The following FBH1 variants were observed in gnomAD, a reference collection of about 807,000 sequenced individuals.
FBH1 encodes F-box DNA helicase 1.
FBH1 carries 43 observed loss-of-function variants against 115.5 expected under a neutral mutation model. That is an observed-to-expected ratio of 0.37 (90% confidence interval 0.29 to 0.48). The LOEUF (loss-of-function observed/expected upper bound fraction) is 0.48, where lower values mean the gene tolerates loss of function less well. Among genes scored for constraint, FBH1 ranks in the 20% least tolerant of loss-of-function variants. The pLI, the probability that FBH1 is intolerant of heterozygous loss-of-function variation, is 0.99. For missense variants in FBH1, 1,001 were observed against 1,337.3 expected (o/e 0.75, Z 3.92); for synonymous variants, 524 against 507.8 (o/e 1.03, Z -0.43).
intron 3 of FBH1, among the ~76,000 whole-genome samples, chr10:5,907,797 T>C (rs1843806170): frequency 6.6e-6 from 1 of 152,224 alleles, no homozygotes; most frequent in Non-Finnish European, 1.5e-5. Context: ...TTAATATCCA[T>C]ATATTTGTGG....
At position 5,915,632 on chromosome 10, in the gene FBH1, C is replaced by T; in HGVS notation, c.1565+61C>T. On this transcript the variant is annotated intron_variant, in intron 9 of 20. Coordinates refer to ENST00000362091, the MANE Select transcript of FBH1 (RefSeq NM_178150.3). This position sits in a 1 kb window ranked among gnomAD's most constrained non-coding sequence, Gnocchi z 5.2. ...TGGCACGGTCGCGTCTTACTGTTTT[C>T]CCGTGACGATCACATGTGAGCTTAC... The T allele has an allele frequency of 6.6e-7, 1 of 1,515,254 alleles. No individual in the cohort carries two copies. The highest frequency in any genetic ancestry group is 9.1e-7 in the Non-Finnish European group (1 of 1,103,830). 93.9% of individuals were successfully genotyped at this position (1,515,254 alleles called of 1,614,324 possible).
chr10:5,936,802 G>A lies in FBH1; in HGVS notation c.2961+215G>A. On this transcript the variant is annotated intron_variant, in intron 20 of 20. Coordinates refer to ENST00000362091, the MANE Select transcript of FBH1 (RefSeq NM_178150.3). The surrounding 1 kb of genome is among the most constrained non-coding windows in gnomAD (Gnocchi z 5.6). ...CTGGCTGTGCTGAAGCCGCAGGTCT[G>A]GGAGGCTGGGTTGTGATACACGCTT... is the stretch of plus-strand genomic sequence containing the variant. The A allele has an allele frequency of 1.5e-6, 1 of 647,776 alleles. No individual in the cohort carries two copies. Among genetic ancestry groups the A allele is most frequent in the Non-Finnish European group, 2.6e-6 (1 of 387,276 alleles). The allele number at this position is 647,776 out of a possible 1,614,324, so 40.1% of individuals were successfully genotyped here.
At chr10:5,891,225 C>T in intron 1 of FBH1, 2 of 970,658 alleles carry the variant, frequency 2.1e-6, no homozygotes, top group African/African-American at 1.8e-5. Flanking sequence ...CTGGAATGGG[C>T]CCATGAAGAT....
chr10:5,889,602 C>T, upstream of FBH1: 1 of 227,810 alleles, frequency 4.4e-6, no homozygotes, highest in Non-Finnish European at 8.4e-6. Flanking sequence ...GTGGGAGAAG[C>T]CGCGGTTCCG....
rs1337629163 is a variant in FBH1, at chr10:5,936,074, G to C, written c.2830-382G>C. 1 of 164,544 alleles carries C rather than the reference G, an allele frequency of 6.1e-6. No homozygotes were observed. Among genetic ancestry groups the C allele is most frequent in the Non-Finnish European group, 1.4e-5 (1 of 74,064 alleles). 10.2% of individuals were successfully genotyped at this position (164,544 alleles called of 1,614,324 possible). ...AAATACGCAGGGATGTTTGGGGCAA[G>C]TTTTCTTCATGTCCTCTGTGTTGCC... On this transcript the variant is annotated intron_variant, in intron 19 of 20. Coordinates refer to ENST00000362091, the MANE Select transcript of FBH1 (RefSeq NM_178150.3). This position sits in a 1 kb window ranked among gnomAD's most constrained non-coding sequence, Gnocchi z 5.6.
At chr10:5,922,829 TCTC>T (rs1438274653) in intron 15 of FBH1, among the ~76,000 whole-genome samples, 1 of 152,184 alleles carries the variant, frequency 6.6e-6, no homozygotes. Flanking sequence ...AGTCAGGCTG[TCTC>T]CTCCAGGAGC....
chr10:5,903,655 T>C (rs529240903), intron 2 of FBH1, among the ~76,000 whole-genome samples: 2 of 152,184 alleles, frequency 1.3e-5, no homozygotes, highest in African/African-American at 4.8e-5. Flanking sequence ...TTCTATCCTA[T>C]TATCATAGTT....
rs763393441 is a variant in FBH1, at chr10:5,917,443, C to T, written c.1812C>T (p.Arg604=). The change falls in exon 11 of 21, where the codon CGC becomes CGT. Residue 604 remains arginine (R), a synonymous_variant. Transcript: ENST00000362091. The surrounding 1 kb of genome is among the most constrained non-coding windows in gnomAD (Gnocchi z 5.6). ...AGAATGGTGTCCTTGAAGCGAGCCG[C>T]CTCTGGGATAACATGCGGAAGCTGG... ...EKLNGVLEAS[R]LWDNMRKLGE... is the part of the protein sequence containing the mutation. 5.0e-6 allele frequency: 8 copies of T among 1,614,210 alleles called. No homozygotes were observed. The highest frequency in any genetic ancestry group is 2.2e-5 in the East Asian group (1 of 44,880).
chr10:5,893,567 T>G (rs187583904), intron 1 of FBH1, among the ~76,000 whole-genome samples: 223 of 152,346 alleles, frequency 1.5e-3, no homozygotes, highest in African/African-American at 4.7e-3. Flanking sequence ...CATTGTTTCC[T>G]TCCGCCTTAC....
chr10:5,933,088 A>G lies in FBH1; in HGVS notation c.2830-3368A>G, dbSNP rs923378934. ...ATCACTTTAGAGTCCCACCAGTTGT[A>G]TGCATAAGAGTGAAATAGGCCCGGC... On this transcript the variant is annotated intron_variant, in intron 19 of 20. Transcript: ENST00000362091. The surrounding 1 kb of genome is among the most constrained non-coding windows in gnomAD (Gnocchi z 4.9). Among the ~76,000 whole-genome samples, 4 of 152,124 alleles carry G rather than the reference A, an allele frequency of 2.6e-5. No homozygotes were observed. The highest frequency in any genetic ancestry group is 5.9e-5 in the Non-Finnish European group (4 of 68,008).
Position 5,925,350 on chromosome 10 carries a change from C to A in FBH1, c.2597-17C>A. 1 of 1,613,482 alleles carries A rather than the reference C, an allele frequency of 6.2e-7. No homozygotes were observed. The highest frequency in any genetic ancestry group is 1.1e-5 in the South Asian group (1 of 90,964). On this transcript the variant is annotated splice_polypyrimidine_tract_variant and intron_variant, in intron 17 of 20. Coordinates refer to ENST00000362091, the MANE Select transcript of FBH1 (RefSeq NM_178150.3). The surrounding 1 kb of genome is among the most constrained non-coding windows in gnomAD (Gnocchi z 4.6). ...CCTTTGAAGCACCATCTAACGTGTG[C>A]TGTGTTTTTATCCTAGAGTACATTC...
At position 5,895,627 on chromosome 10, in the gene FBH1, G is replaced by T. The variant is rs1047051934; in HGVS notation, c.1+5281G>T. ...TTCAATCCCATAACAATCTAAGGAG[G>T]CTACAGGTCATGGTGGTGGTTGGAG... On this transcript the variant is annotated intron_variant, in intron 1 of 20. Transcript: ENST00000362091. This position sits in a 1 kb window ranked among gnomAD's most constrained non-coding sequence, Gnocchi z 5.0. Among the ~76,000 whole-genome samples, 2 of 152,170 alleles carry T rather than the reference G, an allele frequency of 1.3e-5. No individual in the cohort carries two copies. The highest frequency in any genetic ancestry group is 1.3e-4 in the Admixed American group (2 of 15,268).
intron 2 of FBH1, among the ~76,000 whole-genome samples, chr10:5,905,470 A>G (rs1018386097): frequency 6.6e-6 from 1 of 152,244 alleles, no homozygotes; most frequent in African/African-American, 2.4e-5. Flanking sequence ...GTGAGCCAAG[A>G]TCACACCACT....
At chr10:5,898,194 C>G (rs1053802069) in intron 1 of FBH1, among the ~76,000 whole-genome samples, 5 of 152,222 alleles carry the variant, frequency 3.3e-5, no homozygotes, top group East Asian at 1.9e-4. Flanking sequence ...GCAGAAGTCT[C>G]TCTCACTCAC....
Position 5,918,957 on chromosome 10 carries a change from C to T in FBH1, c.2100+479C>T, listed in dbSNP as rs981956894. Among the ~76,000 whole-genome samples, 4 of 152,166 alleles carry T rather than the reference C, an allele frequency of 2.6e-5. No homozygotes were observed. Among genetic ancestry groups the T allele is most frequent in the Non-Finnish European group, 4.4e-5 (3 of 68,036 alleles). On this transcript the variant is annotated intron_variant, in intron 13 of 20. Coordinates refer to ENST00000362091, the MANE Select transcript of FBH1 (RefSeq NM_178150.3). This position sits in a 1 kb window ranked among gnomAD's most constrained non-coding sequence, Gnocchi z 4.0. ...TTGATTATGCGAAAAGTTTATTATG[C>T]GCTCCTTCCTTTCCAATCACATGTC...
At position 5,909,029 on chromosome 10, in the gene FBH1, A is replaced by G. The variant is rs915544528; in HGVS notation, c.858A>G (p.Ser286=). ...ILSNCGIEKE[S]DLCVLNLIRY... ...CTAACTGTGGCATAGAAAAGGAGTCAGACCTGTGTGTGCTGAACCTCATAC... is the reference window on the plus strand; with the variant it reads ...CTAACTGTGGCATAGAAAAGGAGTCGGACCTGTGTGTGCTGAACCTCATAC... The change falls in exon 4 of 21, where the codon TCA becomes TCG. Residue 286 remains serine (S), a synonymous_variant. Transcript: ENST00000362091. The surrounding 1 kb of genome is among the most constrained non-coding windows in gnomAD (Gnocchi z 4.4). 4 of 1,614,116 alleles carry G rather than the reference A, an allele frequency of 2.5e-6. No homozygotes were observed. The highest frequency in any genetic ancestry group is 1.7e-5 in the Admixed American group (1 of 60,008).
Position 5,933,719 on chromosome 10 carries a change from C to T in FBH1, c.2830-2737C>T, listed in dbSNP as rs563081359. Among the ~76,000 whole-genome samples, 16 of 151,994 alleles carry T rather than the reference C, an allele frequency of 1.1e-4. No homozygotes were observed. Among genetic ancestry groups the T allele is most frequent in the Non-Finnish European group, 2.1e-4 (14 of 67,952 alleles). On this transcript the variant is annotated intron_variant, in intron 19 of 20. Transcript: ENST00000362091. This position sits in a 1 kb window ranked among gnomAD's most constrained non-coding sequence, Gnocchi z 4.9. ...GGGCAGTGGTGTGATCTTGGCTCACCGCAACCTCGGCCTCCTGGGTTCAAG... is the reference window on the plus strand; with the variant it reads ...GGGCAGTGGTGTGATCTTGGCTCACTGCAACCTCGGCCTCCTGGGTTCAAG...
Position 5,936,862 on chromosome 10 carries a change from C to T in FBH1, c.2962-248C>T, listed in dbSNP as rs1444746229. 1 of 598,444 alleles carries T rather than the reference C, an allele frequency of 1.7e-6. No homozygotes were observed. Among genetic ancestry groups the T allele is most frequent in the Non-Finnish European group, 2.9e-6 (1 of 346,294 alleles). The allele number at this position is 598,444 out of a possible 1,614,324, so 37.1% of individuals were successfully genotyped here. Reference sequence around the variant, plus strand: ...GCTGTTCCCTGGGGTCCCAGCGCAGCTTTTCTTGGTTCTTTATCTTGACTG... The same window carrying T: ...GCTGTTCCCTGGGGTCCCAGCGCAGTTTTTCTTGGTTCTTTATCTTGACTG... On this transcript the variant is annotated intron_variant, in intron 20 of 20. Transcript: ENST00000362091. The surrounding 1 kb of genome is among the most constrained non-coding windows in gnomAD (Gnocchi z 5.6).
intron 19 of FBH1, among the ~76,000 whole-genome samples, chr10:5,929,213 C>T (rs1405326378): frequency 6.6e-6 from 1 of 152,086 alleles, no homozygotes. Context: ...AGAAAGTGAA[C>T]GAATAGGATT....
Sources: gnomAD v4.1 joint callset for allele counts (sites outside exome capture counted in the v4.1 genomes callset) on GRCh38, gnomAD v4.1.1 for gene constraint, Gnocchi (gnomAD v3.1) non-coding constraint, MANE v1.5 for transcripts, NCBI Gene and HGNC (gene_info 2026-07-23, HGNC 2026-07-21) for gene names.